Variants in PCDHA12 observed in about 807,000 individuals in gnomAD.
PCDHA12 encodes protocadherin alpha 12.
PCDHA12 carries 44 observed loss-of-function variants against 60.0 expected under a neutral mutation model. The observed-to-expected ratio is 0.73, with a 90% CI of 0.58 to 0.94. The LOEUF is 0.94. Ranked by LOEUF, PCDHA12 falls within the 40% of genes least tolerant of loss-of-function variation. PCDHA12 has a pLI of 0.00. For missense variants in PCDHA12, 1,276 were observed against 1,239.7 expected, an observed-to-expected ratio of 1.03 and a Z score of -0.44; for synonymous variants, 569 against 553.0, an observed-to-expected ratio of 1.03 and a Z score of -0.40.
At chr5:140,973,697 C>G (rs1474916406) in intron 1 of PCDHA12, among the ~76,000 whole-genome samples, 1 of 152,226 alleles carries the variant, frequency 6.6e-6, no homozygotes, top group Non-Finnish European at 1.5e-5. Context: ...CTGTTTCCTT[C>G]TGACCCAGGA....
intron 1 of PCDHA12, among the ~76,000 whole-genome samples, chr5:140,931,665 T>C (rs2087667345): frequency 6.6e-6 from 1 of 151,998 alleles, no homozygotes. Flanking sequence ...GGCTGGATAT[T>C]TCCTTATAAA....
chr5:140,897,947 T>G (rs1276045551), intron 1 of PCDHA12, among the ~76,000 whole-genome samples: 14 of 152,168 alleles, frequency 9.2e-5, no homozygotes, highest in African/African-American at 3.4e-4. Context: ...CAGTGATGAT[T>G]AGCATTTTTT....
Position 140,876,269 on chromosome 5 carries a change from C to T in PCDHA12, c.797C>T (p.Ala266Val). 1.2e-6 allele frequency: 2 copies of T among 1,614,036 alleles called. No individual in the cohort carries two copies. Among genetic ancestry groups the T allele is most frequent in the Non-Finnish European group, 1.7e-6 (2 of 1,179,898 alleles). Residue 266 changes from alanine (A) to valine (V), a missense_variant, in exon 1 of 4, where the codon GCT becomes GTT. Ala to Val is a moderately conservative substitution (Grantham distance 64). Coordinates refer to ENST00000398631, the MANE Select transcript of PCDHA12 (RefSeq NM_018903.4). ...QNDTRVIQLN[A>V]SDPDEGLNGE... ...GACACAAGAGTGATCCAACTAAATG[C>T]TTCCGATCCAGACGAAGGACTTAAT...
At chr5:141,000,558 G>A (rs1462892656) in intron 3 of PCDHA12, among the ~76,000 whole-genome samples, 1 of 149,136 alleles carries the variant, frequency 6.7e-6, no homozygotes, top group Admixed American at 6.8e-5. Flanking sequence ...CTCCCGAGTA[G>A]CTGGGATTAC....
At chr5:140,928,958 C>T in intron 1 of PCDHA12, 1 of 1,613,930 alleles carries the variant, frequency 6.2e-7, no homozygotes, top group South Asian at 1.1e-5. Flanking sequence ...ATTGCCTTGG[C>T]TTGTATTTCC....
intron 1 of PCDHA12, among the ~76,000 whole-genome samples, chr5:140,891,271 G>A (rs782182381): frequency 7.9e-5 from 12 of 151,678 alleles, no homozygotes; most frequent in South Asian, 4.2e-4. Flanking sequence ...TAATTTTTCC[G>A]TAAGTTATTG....
At chr5:140,952,185 T>C (rs1354216964) in intron 1 of PCDHA12, among the ~76,000 whole-genome samples, 1 of 152,010 alleles carries the variant, frequency 6.6e-6, no homozygotes, top group Non-Finnish European at 1.5e-5. Context: ...GCTGCTCTCA[T>C]GGGTTGGTGT....
chr5:140,977,429 C>T (rs143756065), intron 1 of PCDHA12, among the ~76,000 whole-genome samples: 9 of 152,228 alleles, frequency 5.9e-5, no homozygotes, highest in South Asian at 2.1e-4. Context: ...CCTCTAACAC[C>T]GCTAGTAGAT....
intron 1 of PCDHA12, among the ~76,000 whole-genome samples, chr5:140,900,338 C>T (rs145242611): frequency 0.027 from 4,159 of 152,082 alleles, 89 homozygotes; most frequent in Non-Finnish European, 0.044. Flanking sequence ...AGTACCGTGG[C>T]GCAATCTTGG....
Position 140,882,245 on chromosome 5 carries a change from G to C in PCDHA12, c.2367+4406G>C, listed in dbSNP as rs376978051. Reference sequence around the variant, plus strand: ...TAAGGCGTTGTATATATTGCAGATAGCTCTGAGGTTTTTGGAGTGTACCAT... The same window carrying C: ...TAAGGCGTTGTATATATTGCAGATACCTCTGAGGTTTTTGGAGTGTACCAT... On this transcript the variant is annotated intron_variant, in intron 1 of 3. Coordinates refer to ENST00000398631, the MANE Select transcript of PCDHA12 (RefSeq NM_018903.4). 82 of 1,592,614 alleles carry C rather than the reference G, an allele frequency of 5.1e-5. No homozygotes were observed. In the African/African-American group the frequency reaches 9.3e-4, roughly 18 times the overall value.
At chr5:140,981,537 G>C (rs375537131) in intron 2 of PCDHA12, among the ~76,000 whole-genome samples, 2 of 152,290 alleles carry the variant, frequency 1.3e-5, no homozygotes, top group East Asian at 3.9e-4. Context: ...TCGTGCCACT[G>C]TACTCCAGCC....
rs782249614 is a variant in PCDHA12, at chr5:140,877,247, C to T, written c.1775C>T (p.Ala592Val). The change falls in exon 1 of 4, where the codon GCG (alanine) becomes GTG (valine). Residue 592 changes from alanine (A) to valine (V), a missense_variant. Physicochemically the swap from Ala to Val is moderately conservative, Grantham distance 64. Transcript: ENST00000398631. ...TCGGTGGGTGCGGGCCACGTGGTGG[C>T]GAAAGTGCGCGCGGTGGACGCTGAC... The part of the protein sequence containing the change: ...PRSVGAGHVV[A>V]KVRAVDADSG... 6.2e-7 allele frequency: 1 copy of T among 1,613,680 alleles called. No homozygotes were observed. Among genetic ancestry groups the T allele is most frequent in the African/African-American group, 1.3e-5 (1 of 75,034 alleles).
chr5:140,898,995 T>C (rs1176186680), intron 1 of PCDHA12, among the ~76,000 whole-genome samples: 4 of 151,956 alleles, frequency 2.6e-5, no homozygotes, highest in Non-Finnish European at 5.9e-5. Flanking sequence ...TCTGTTTGTC[T>C]GTTATTGGTG....
At chr5:140,895,904 C>T (rs956599707) in intron 1 of PCDHA12, among the ~76,000 whole-genome samples, 10 of 152,136 alleles carry the variant, frequency 6.6e-5, no homozygotes, top group South Asian at 2.1e-4. Flanking sequence ...CTCCGCGTCC[C>T]GGGCTCAACA....
intron 3 of PCDHA12, 115 bp downstream of exon 3, chr5:140,982,678 C>G: frequency 6.9e-7 from 1 of 1,438,900 alleles, no homozygotes; most frequent in East Asian, 2.5e-5. Context: ...TTTGTTATTC[C>G]CTTTTTTCCA....
chr5:140,987,293 T>C (rs2097246211), intron 3 of PCDHA12, among the ~76,000 whole-genome samples: 1 of 152,134 alleles, frequency 6.6e-6, no homozygotes, highest in African/African-American at 2.4e-5. Context: ...TAACAAGCCT[T>C]CTATGTGATA....
Position 141,009,983 on chromosome 5 carries a change from G to A in PCDHA12, c.*46G>A, listed in dbSNP as rs1554262629. The A allele has an allele frequency of 1.9e-6, 3 of 1,581,862 alleles. No homozygotes were observed. Among genetic ancestry groups the A allele is most frequent in the Non-Finnish European group, 2.6e-6 (3 of 1,167,526 alleles). On this transcript the variant is annotated 3_prime_UTR_variant, in exon 4 of 4. Coordinates refer to ENST00000398631, the MANE Select transcript of PCDHA12 (RefSeq NM_018903.4). ...CCACTTAGCCAGTTTTTGTAATAAT[G>A]GCAAATCTCTCCCATGTAGCAATTC...
At chr5:140,917,324 C>CGGGGGGGG (rs1299895515) in intron 1 of PCDHA12, among the ~76,000 whole-genome samples, 1 of 76,104 alleles carries the variant, frequency 1.3e-5, no homozygotes, top group Non-Finnish European at 2.9e-5. Context: ...GTTCATGTGG[C>CGGGGGGGG]GGGGGAGGGG....
At chr5:141,002,097 G>A (rs782083569) in intron 3 of PCDHA12, among the ~76,000 whole-genome samples, 3 of 152,230 alleles carry the variant, frequency 2.0e-5, no homozygotes, top group Non-Finnish European at 4.4e-5. Flanking sequence ...TCCAGGGGCT[G>A]GGCCGGAAAC....
Sources: gnomAD v4.1 joint callset for allele counts (sites outside exome capture counted in the v4.1 genomes callset) on GRCh38, gnomAD v4.1.1 for gene constraint, MANE v1.5 for transcripts, NCBI Gene and HGNC (gene_info 2026-07-23, HGNC 2026-07-21) for gene names.